GLRA2: variants seen among roughly 807,000 people sequenced by gnomAD.
The protein encoded by GLRA2 is glycine receptor alpha 2, also known as glycine receptor subunit alpha-2.
Under a neutral mutation model 31.6 loss-of-function variants are expected in GLRA2, and 11 were observed. The ratio of observed to expected loss-of-function variants is 0.35; its 90% CI spans 0.22 to 0.58. The LOEUF is 0.58. Ranked by LOEUF, GLRA2 falls within the 20% of genes least tolerant of loss-of-function variation. The pLI, the probability that GLRA2 is intolerant of heterozygous loss-of-function variation, is 0.84. For missense variants in GLRA2, 212 were observed against 351.8 expected (o/e 0.60, Z 3.18); for synonymous variants, 132 against 134.0 (o/e 0.99, Z 0.10).
At chrX:14,516,559 C>T in the GLRA2 span, among the ~76,000 whole-genome samples, 800 of 111,286 alleles carry the variant, frequency 7.2e-3, 12 homozygotes, top group African/African-American at 0.025. Flanking sequence ...CCCAGTGAAC[C>T]GTACCTTCTG....
the GLRA2 span, among the ~76,000 whole-genome samples, chrX:14,488,204 T>C: frequency 8.9e-6 from 1 of 112,163 alleles, no homozygotes; most frequent in Non-Finnish European, 1.9e-5. Context: ...TCCCTTGCCA[T>C]TGTCTATTGT....
At chrX:14,503,506 A>G in the GLRA2 span, among the ~76,000 whole-genome samples, 553 of 111,663 alleles carry the variant, frequency 5.0e-3, 5 homozygotes, top group African/African-American at 0.017. Flanking sequence ...CTCCTGGGAA[A>G]TGCTTGCACT....
chrX:14,618,040 C>G (rs1476944808), intron 7 of GLRA2, among the ~76,000 whole-genome samples: 1 of 112,029 alleles, frequency 8.9e-6, no homozygotes, highest in Admixed American at 9.5e-5. Context: ...TGGAACAAGT[C>G]TATAATAAGA....
At chrX:14,583,883 T>A (rs2147069038) in intron 4 of GLRA2, among the ~76,000 whole-genome samples, 1 of 112,275 alleles carries the variant, frequency 8.9e-6, no homozygotes. Context: ...CTAAGTGAAC[T>A]AACACAGGAA....
At chrX:14,486,904 A>G in the GLRA2 span, among the ~76,000 whole-genome samples, 2 of 111,551 alleles carry the variant, frequency 1.8e-5, no homozygotes, top group African/African-American at 6.5e-5. Context: ...ACCAAAATAC[A>G]CAGCAAAATA....
intron 7 of GLRA2, among the ~76,000 whole-genome samples, chrX:14,639,953 G>C (rs1454417627): frequency 2.7e-5 from 3 of 111,779 alleles, no homozygotes; most frequent in Non-Finnish European, 5.7e-5. Context: ...TTTCATATGT[G>C]AATTTCACAT....
intron 8 of GLRA2, among the ~76,000 whole-genome samples, chrX:14,711,516 G>A (rs73437290): frequency 1.7e-3 from 195 of 112,251 alleles, no homozygotes; most frequent in African/African-American, 5.2e-3. Flanking sequence ...ATTGGAGAGA[G>A]CATGAGCCCT....
intron 8 of GLRA2, among the ~76,000 whole-genome samples, chrX:14,703,947 T>C (rs1430155530): frequency 8.9e-6 from 1 of 111,820 alleles, no homozygotes; most frequent in African/African-American, 3.3e-5. Flanking sequence ...AGTAAACCTC[T>C]TGCATGCAAT....
chrX:14,538,025 C>T (rs1479170801), intron 2 of GLRA2, among the ~76,000 whole-genome samples: 3 of 108,327 alleles, frequency 2.8e-5, no homozygotes, highest in African/African-American at 1.0e-4. Context: ...TAGGCTCCTA[C>T]TATGGACCCA....
chrX:14,562,723 C>T (rs1430423995), intron 2 of GLRA2, among the ~76,000 whole-genome samples: 1 of 111,766 alleles, frequency 8.9e-6, no homozygotes, highest in Non-Finnish European at 1.9e-5. Context: ...TAAACACATC[C>T]CTGGTGTCTC....
At chrX:14,574,220 G>T in intron 2 of GLRA2, 113 bp from the exon 3 acceptor site, 3 of 510,681 alleles carry the variant, frequency 5.9e-6, no homozygotes, top group South Asian at 3.1e-5. Context: ...TTTTTTTTTG[G>T]CAATCTCACC....
At chrX:14,538,258 T>C (rs1289085972) in intron 2 of GLRA2, among the ~76,000 whole-genome samples, 1 of 111,063 alleles carries the variant, frequency 9.0e-6, no homozygotes, top group African/African-American at 3.3e-5. Flanking sequence ...GTGCCTCAGG[T>C]TTTCTTCTGC....
chrX:14,703,436 G>A (rs148308765), intron 8 of GLRA2, among the ~76,000 whole-genome samples: 88 of 111,697 alleles, frequency 7.9e-4, no homozygotes, highest in African/African-American at 2.5e-3. Flanking sequence ...GTTGAGAAAG[G>A]TTCTCCATTT....
chrX:14,636,253 T>A, intron 7 of GLRA2, among the ~76,000 whole-genome samples: 1 of 111,799 alleles, frequency 8.9e-6, no homozygotes, highest in East Asian at 2.8e-4. Flanking sequence ...GGGCTGCCCA[T>A]AATGACTTCC....
At chrX:14,670,398 G>C (rs751525026) in intron 7 of GLRA2, among the ~76,000 whole-genome samples, 1 of 111,595 alleles carries the variant, frequency 9.0e-6, no homozygotes, top group East Asian at 2.8e-4. Flanking sequence ...CCACTCTATT[G>C]TACCAGTTTA....
In GLRA2 at chrX:14,586,419, T is replaced by A. The variant is rs772916230; in HGVS notation, c.494+5013T>A. On this transcript the variant is annotated intron_variant, in intron 4 of 8. Transcript: ENST00000218075. ...TTACTCTCTGTTTTTTCCTAAGTTG[T>A]TTGTTGACCTGCCCCATTAATTATT... Among the ~76,000 whole-genome samples, 24 of 112,376 alleles carry A rather than the reference T, an allele frequency of 2.1e-4. No homozygotes were observed. The South Asian group carries it at 8.8e-3, about 41-fold the overall frequency.
intron 8 of GLRA2, among the ~76,000 whole-genome samples, chrX:14,707,951 ACATTGTTAC>A (rs760655351): frequency 1.8e-5 from 2 of 111,169 alleles, no homozygotes; most frequent in South Asian, 7.6e-4. Flanking sequence ...CCATCATCTC[ACATTGTTAC>A]CAGTTTCTTT....
the GLRA2 span, among the ~76,000 whole-genome samples, chrX:14,454,297 G>A: frequency 9.1e-6 from 1 of 109,856 alleles, no homozygotes; most frequent in Non-Finnish European, 1.9e-5. Context: ...TCAGTAGTCT[G>A]GTTGAGATGT....
At chrX:14,700,083 C>G (rs1235601744) in intron 8 of GLRA2, among the ~76,000 whole-genome samples, 1 of 111,033 alleles carries the variant, frequency 9.0e-6, no homozygotes, top group African/African-American at 3.3e-5. Context: ...ACAACAGACC[C>G]CCAGTTACAG....
Sources: allele counts gnomAD v4.1 joint callset (sites outside exome capture counted in the v4.1 genomes callset), GRCh38; gene constraint gnomAD v4.1.1; transcripts MANE v1.5; gene names NCBI Gene and HGNC (gene_info 2026-07-23, HGNC 2026-07-21).